The following LUZP2 variants were observed in gnomAD, a reference collection of about 807,000 sequenced individuals.
LUZP2 encodes the protein leucine zipper protein 2.
In LUZP2, 52 loss-of-function variants were observed where a neutral mutation model predicts 51.6. The observed-to-expected ratio is 1.01, with a 90% CI of 0.81 to 1.27. The LOEUF is 1.27. Among genes scored for constraint, LUZP2 ranks in the 50% most tolerant of loss-of-function variants. The pLI is 0.00. For synonymous variants in LUZP2, 154 were observed against 137.3 expected, an observed-to-expected ratio of 1.12 and a Z score of -0.85; for missense variants, 436 against 395.4, an observed-to-expected ratio of 1.10 and a Z score of -0.87.
At position 24,821,873 on chromosome 11, in the gene LUZP2, T is replaced by TTATA. The variant is rs143517041; in HGVS notation, c.396+58579_396+58582dup. On this transcript the variant is annotated intron_variant, in intron 5 of 11. Coordinates refer to ENST00000336930, the MANE Select transcript of LUZP2 (RefSeq NM_001009909.4). ...CAATGACATTATATGCCAGAAATAT[T>TTATA]TATATATATATATATATTTAAAAGC... Among the ~76,000 whole-genome samples the TTATA allele has an allele frequency of 9.9e-3, 1,461 of 148,190 alleles. 42 individuals carry two copies. The East Asian group carries it at 0.12, about 13-fold the overall frequency.
chr11:24,587,316 G>C (rs1223310890), intron 1 of LUZP2, among the ~76,000 whole-genome samples: 1 of 152,152 alleles, frequency 6.6e-6, no homozygotes, highest in Non-Finnish European at 1.5e-5. Context: ...GGAGAATACA[G>C]TGATGGTTTC....
chr11:24,510,916 G>A (rs1415642927), intron 1 of LUZP2, among the ~76,000 whole-genome samples: 1 of 152,102 alleles, frequency 6.6e-6, no homozygotes, highest in Non-Finnish European at 1.5e-5. Context: ...CTCTGTTGAG[G>A]TCTTTGCCCT....
At position 25,034,739 on chromosome 11, in the gene LUZP2, G is replaced by A. The variant is rs550254568; in HGVS notation, c.766-15299G>A. On this transcript the variant is annotated intron_variant, in intron 9 of 11. Coordinates refer to ENST00000336930, the MANE Select transcript of LUZP2 (RefSeq NM_001009909.4). The stretch of plus-strand genomic sequence containing the variant: ...GAAGATGAAATGGTTATAGGTGTCC[G>A]ACTTTATTTCTGAGCCTTCTATTCC... 5.4e-4 allele frequency among the ~76,000 whole-genome samples: 82 copies of A among 152,104 alleles called. 1 individual carries two copies. Among genetic ancestry groups the A allele is most frequent in the Admixed American group, 4.2e-3 (64 of 15,226 alleles).
At chr11:24,701,600 G>A (rs928645829) in intron 1 of LUZP2, 1 of 153,068 alleles carries the variant, frequency 6.5e-6, no homozygotes, top group South Asian at 2.1e-4. Flanking sequence ...CTCAACAGTG[G>A]TTCCTGTATT....
At chr11:24,831,964 A>G (rs1454950395) in intron 5 of LUZP2, 1 of 152,614 alleles carries the variant, frequency 6.6e-6, no homozygotes, top group East Asian at 1.9e-4. Flanking sequence ...GACCATGTCA[A>G]TATACTTATT....
chr11:25,031,013 A>ATT (rs1293554353), intron 9 of LUZP2, among the ~76,000 whole-genome samples: 2 of 4,306 alleles, frequency 4.6e-4, no homozygotes, highest in East Asian at 9.8e-3. Flanking sequence ...ATATATATAT[A>ATT]TATTTTTTTT....
intron 7 of LUZP2, among the ~76,000 whole-genome samples, chr11:24,969,464 T>A (rs1232487229): frequency 6.6e-6 from 1 of 152,174 alleles, no homozygotes; most frequent in African/African-American, 2.4e-5. Flanking sequence ...TTTCTTATTT[T>A]TTATGTTTTA....
intron 9 of LUZP2, among the ~76,000 whole-genome samples, chr11:25,041,557 G>A (rs541494600): frequency 6.6e-6 from 1 of 152,160 alleles, no homozygotes. Flanking sequence ...CATTTAAAGT[G>A]CTTACCAATC....
At chr11:24,567,093 G>A (rs1475602007) in intron 1 of LUZP2, among the ~76,000 whole-genome samples, 5 of 149,118 alleles carry the variant, frequency 3.4e-5, no homozygotes, top group Non-Finnish European at 5.9e-5. Flanking sequence ...TGCCTGCCTC[G>A]GTCTCCCAAA....
rs560450558 is a variant in LUZP2 at position 25,044,416 on chromosome 11, G to A, written c.766-5622G>A. On this transcript the variant is annotated intron_variant, in intron 9 of 11. Coordinates refer to ENST00000336930, the MANE Select transcript of LUZP2 (RefSeq NM_001009909.4). ...GGTGTTAATTAATCAGTTTCAATAA[G>A]GCTTCTTTCCACAAGGAGCCATCTC... 6.9e-4 allele frequency among the ~76,000 whole-genome samples: 104 copies of A among 151,346 alleles called. 2 individuals are homozygous for A. The highest frequency in any genetic ancestry group is 2.5e-3 in the African/African-American group (103 of 41,348).
chr11:24,942,121 T>G (rs1274465710), intron 7 of LUZP2, among the ~76,000 whole-genome samples: 1 of 152,198 alleles, frequency 6.6e-6, no homozygotes, highest in Non-Finnish European at 1.5e-5. Flanking sequence ...GCTAACTGAT[T>G]GGCATTTTCT....
chr11:24,624,010 A>G (rs956724629), intron 1 of LUZP2, among the ~76,000 whole-genome samples: 2 of 152,174 alleles, frequency 1.3e-5, no homozygotes, highest in African/African-American at 4.8e-5. Context: ...TTGTTCATAT[A>G]GTGTGTTCAT....
intron 1 of LUZP2, among the ~76,000 whole-genome samples, chr11:24,562,038 G>A (rs559232443): frequency 2.6e-4 from 39 of 152,092 alleles, no homozygotes; most frequent in Admixed American, 1.8e-3. Flanking sequence ...GTGGGACAAC[G>A]CTCAAAAATG....
intron 5 of LUZP2, among the ~76,000 whole-genome samples, chr11:24,856,103 A>G (rs958093725): frequency 1.3e-5 from 2 of 152,118 alleles, no homozygotes; most frequent in Admixed American, 1.3e-4. Flanking sequence ...AAATAGACAA[A>G]TGGAAGTTAA....
intron 7 of LUZP2, among the ~76,000 whole-genome samples, chr11:24,944,458 A>G (rs1216171236): frequency 6.6e-6 from 1 of 152,238 alleles, no homozygotes; most frequent in African/African-American, 2.4e-5. Context: ...GAACACATAA[A>G]ACATACTTAT....
In LUZP2 at chr11:24,497,315, G is replaced by T; in HGVS notation, c.62+10G>T. On this transcript the variant is annotated intron_variant, in intron 1 of 11. Transcript: ENST00000336930. ...TGGTCCTCAGCACCAGGTGAGTCCA[G>T]GAGCGTGAGTGACCTGAGGCCAGGG... 1 of 1,528,490 alleles carries T rather than the reference G, an allele frequency of 6.5e-7. No individual in the cohort carries two copies. Among genetic ancestry groups the T allele is most frequent in the Non-Finnish European group, 8.8e-7 (1 of 1,132,188 alleles). The allele number at this position is 1,528,490 out of a possible 1,614,324, so 94.7% of individuals were successfully genotyped here.
At chr11:24,561,770 A>G (rs1454918672) in intron 1 of LUZP2, among the ~76,000 whole-genome samples, 1 of 151,450 alleles carries the variant, frequency 6.6e-6, no homozygotes, top group Admixed American at 6.6e-5. Flanking sequence ...ATGTATACCT[A>G]TGTAACAAAC....
chr11:24,728,978 G>A (rs781147757), intron 1 of LUZP2, among the ~76,000 whole-genome samples, 191 bp from the exon 2 acceptor site: 5 of 151,950 alleles, frequency 3.3e-5, no homozygotes, highest in Non-Finnish European at 7.4e-5. Context: ...CCCTCACTGG[G>A]AAATGAAACT....
intron 5 of LUZP2, among the ~76,000 whole-genome samples, chr11:24,901,419 C>A (rs1853279058): frequency 2.0e-5 from 3 of 148,906 alleles, no homozygotes; most frequent in Admixed American, 6.7e-5. Flanking sequence ...AAAAAGGTAA[C>A]TTGAAGAGGA....
Sources: gnomAD v4.1 joint callset for allele counts (sites outside exome capture counted in the v4.1 genomes callset) on GRCh38, gnomAD v4.1.1 for gene constraint, MANE v1.5 for transcripts, NCBI Gene and HGNC (gene_info 2026-07-23, HGNC 2026-07-21) for gene names.